Variants in CRMP1 observed in about 807,000 individuals in gnomAD.
The protein encoded by CRMP1 is dihydropyrimidinase-related protein 1.
CRMP1 carries 19 observed loss-of-function variants against 68.3 expected under a neutral mutation model. The observed-to-expected ratio is 0.28, with a 90% CI of 0.19 to 0.41. CRMP1 has a LOEUF of 0.41. Ranked by LOEUF, CRMP1 falls within the 10% of genes least tolerant of loss-of-function variation. CRMP1 has a pLI of 1.00. For synonymous variants in CRMP1, 439 were observed against 399.6 expected, an observed-to-expected ratio of 1.10 and a Z score of -1.18; for missense variants, 791 against 967.4, an observed-to-expected ratio of 0.82 and a Z score of 2.42.
chr4:5,874,727 G>A (rs1714690667), intron 1 of CRMP1, among the ~76,000 whole-genome samples: 1 of 152,128 alleles, frequency 6.6e-6, no homozygotes, highest in South Asian at 2.1e-4. Flanking sequence ...ATAAAAGAAG[G>A]ATAAAGAGGA....
In CRMP1 at chr4:5,825,775, T is replaced by G; in HGVS notation, c.1804-116A>C. The G allele has an allele frequency of 2.1e-6, 2 of 967,868 alleles. No homozygotes were observed. Among genetic ancestry groups the G allele is most frequent in the Non-Finnish European group, 3.1e-6 (2 of 652,588 alleles). 60.0% of individuals were successfully genotyped at this position (967,868 alleles called of 1,614,324 possible). A position where few individuals can be genotyped will look rare whatever the true frequency, so the allele number is the denominator to read the frequency against. Reference sequence around the variant, plus strand: ...AACCTGAGGTCACTTCAAATGTGCATGCACACACACACACAACACGCACAC... The same window carrying G: ...AACCTGAGGTCACTTCAAATGTGCAGGCACACACACACACAACACGCACAC... On this transcript the variant is annotated intron_variant, in intron 12 of 13. Coordinates refer to ENST00000324989, the MANE Select transcript of CRMP1 (RefSeq NM_001014809.3). The surrounding 1 kb of genome is among the most constrained non-coding windows in gnomAD (Gnocchi z 4.4).
chr4:5,887,403 T>A (rs984815281), intron 1 of CRMP1: 2 of 985,444 alleles, frequency 2.0e-6, no homozygotes, highest in Admixed American at 6.1e-5. Context: ...GCTCCAGTGG[T>A]CCGCATCCCT....
Position 5,884,775 on chromosome 4 carries a change from C to A in CRMP1, c.381+7814G>T, listed in dbSNP as rs1431867438. Among the ~76,000 whole-genome samples, 3 of 151,808 alleles carry A rather than the reference C, an allele frequency of 2.0e-5. No homozygotes were observed. The East Asian group carries it at 5.8e-4, about 29-fold the overall frequency. On this transcript the variant is annotated intron_variant, in intron 1 of 13. Coordinates refer to ENST00000324989, the MANE Select transcript of CRMP1 (RefSeq NM_001014809.3). ...CATGAAGCTTCATTTTTAATAATAC[C>A]CCGTCATCATCATGGTGGACACTCT...
rs116072410 is a variant in CRMP1 at position 5,890,933 on chromosome 4, G to A, written c.381+1656C>T. Among the ~76,000 whole-genome samples the A allele has an allele frequency of 2.9e-3, 436 of 152,250 alleles. 3 individuals carry two copies. The highest frequency in any genetic ancestry group is 9.4e-3 in the African/African-American group (391 of 41,560). ...AGACGGCCACCCCCATCTGACAGAT[G>A]GAGAAGCTGAGGCCCAAGAGAGCAA... On this transcript the variant is annotated intron_variant, in intron 1 of 13. Transcript: ENST00000324989. The surrounding 1 kb of genome is among the most constrained non-coding windows in gnomAD (Gnocchi z 5.5).
intron 11 of CRMP1, among the ~76,000 whole-genome samples, chr4:5,832,210 C>T (rs942435630): frequency 2.2e-4 from 34 of 152,208 alleles, no homozygotes; most frequent in Non-Finnish European, 1.2e-4. Context: ...TACAGGGTTT[C>T]TTTTCTGGAG....
In CRMP1 at chr4:5,856,182, C is replaced by G. The variant is rs114376030; in HGVS notation, c.781G>C (p.Gly261Arg). The change falls in exon 4 of 14, where the codon GGC becomes CGC. Residue 261 changes from glycine (G) to arginine (R), a missense_variant. By Grantham distance (125) the Gly-to-Arg change is moderately radical. Around this residue, in one of 3 missense-constraint regions of CRMP1, gnomAD observed 594 missense variants for 763.6 expected, o/e 0.78. Transcript: ENST00000324989. ...LHVDITSWYDGVREELEVLVQ... is the reference protein window; with the variant it reads ...LHVDITSWYDRVREELEVLVQ... ...AGCACCTCCAGCTCCTCCCGAACGC[C>G]ATCGTACCAGCTTGTGATGTCCACG... is the stretch of plus-strand genomic sequence containing the variant. 8,556 of 1,613,994 alleles carry G rather than the reference C, an allele frequency of 5.3e-3. 201 individuals are homozygous for G. In the African/African-American group the frequency reaches 0.067, roughly 13 times the overall value.
rs141328248 is a variant in CRMP1, at chr4:5,867,907, AAC to A, written c.382-1153_382-1152del. On this transcript the variant is annotated intron_variant, in intron 1 of 13. Transcript: ENST00000324989. The stretch of plus-strand genomic sequence containing the variant: ...GTCATTAGAGGAAGGTGGATAGATA[AAC>A]ACACACACACACACACACAGGATTG... Among the ~76,000 whole-genome samples, 25 of 149,838 alleles carry A rather than the reference AAC, an allele frequency of 1.7e-4. No homozygotes were observed. In the South Asian group the frequency reaches 1.9e-3, roughly 11 times the overall value.
rs983666699 is a variant in CRMP1, at chr4:5,865,144, C to T, written c.470+1524G>A. On this transcript the variant is annotated intron_variant, in intron 2 of 13. Transcript: ENST00000324989. The surrounding 1 kb of genome is among the most constrained non-coding windows in gnomAD (Gnocchi z 4.1). ...ATGATCCTGTTAACAGTATCAATCC[C>T]TTTCTGCCTTCCCCTTGCTCCAATT... 6.6e-6 allele frequency among the ~76,000 whole-genome samples: 1 copy of T among 152,118 alleles called. No homozygotes were observed. Among genetic ancestry groups the T allele is most frequent in the African/African-American group, 2.4e-5 (1 of 41,416 alleles).
Position 5,861,986 on chromosome 4 carries a change from G to A in CRMP1, c.471-776C>T, listed in dbSNP as rs1477156165. Among the ~76,000 whole-genome samples, 1 of 152,228 alleles carries A rather than the reference G, an allele frequency of 6.6e-6. No individual in the cohort carries two copies. The highest frequency in any genetic ancestry group is 2.4e-5 in the African/African-American group (1 of 41,470). On this transcript the variant is annotated intron_variant, in intron 2 of 13. Transcript: ENST00000324989. The surrounding 1 kb of genome is among the most constrained non-coding windows in gnomAD (Gnocchi z 6.0). Reference sequence around the variant, plus strand: ...AGTGCAGCTCTAGACAGAATCCACAGCCAGGCAGCCAAGACAGCAGCCTCT... The same window carrying A: ...AGTGCAGCTCTAGACAGAATCCACAACCAGGCAGCCAAGACAGCAGCCTCT...
At chr4:5,836,649 G>A (rs1191050055) in intron 10 of CRMP1, 116 bp downstream of exon 10, 1 of 1,485,088 alleles carries the variant, frequency 6.7e-7, no homozygotes, top group African/African-American at 1.4e-5. Context: ...TAGTATATCT[G>A]CTTCCGCCTC....
In CRMP1 at chr4:5,843,097, T is replaced by G; in HGVS notation, c.1028A>C (p.Glu343Ala). 1 of 1,614,060 alleles carries G rather than the reference T, an allele frequency of 6.2e-7. No individual in the cohort carries two copies. Reference protein sequence around the residue: ...GPEGHALSRPEELEAEAVFRA... With the variant: ...GPEGHALSRPAELEAEAVFRA... ...CCCAAGTTGAGGAGTCCTTACCTCT[T>G]CAGGTCTGCTCAGGGCATGGCCCTC... Residue 343 changes from glutamate (E) to alanine (A), a missense_variant, in exon 7 of 14, where the codon GAA becomes GCA. Transcript: ENST00000324989. The surrounding 1 kb of genome is among the most constrained non-coding windows in gnomAD (Gnocchi z 4.1).
At chr4:5,835,174 G>A (rs887057678) in intron 11 of CRMP1, among the ~76,000 whole-genome samples, 1 of 152,248 alleles carries the variant, frequency 6.6e-6, no homozygotes, top group Non-Finnish European at 1.5e-5. Flanking sequence ...GTGTGCACAT[G>A]CACTACTTCT....
rs895982170 is a variant in CRMP1, at chr4:5,854,990, C to A, written c.820+1153G>T. The stretch of plus-strand genomic sequence containing the variant: ...TAAAACGAATAGAAAGCATAAATGC[C>A]CAATAAAAAGAAAATAGCTAAGCAA... On this transcript the variant is annotated intron_variant, in intron 4 of 13. Coordinates refer to ENST00000324989, the MANE Select transcript of CRMP1 (RefSeq NM_001014809.3). This position sits in a 1 kb window ranked among gnomAD's most constrained non-coding sequence, Gnocchi z 4.0. 2.4e-4 allele frequency among the ~76,000 whole-genome samples: 37 copies of A among 152,036 alleles called. No homozygotes were observed. The highest frequency in any genetic ancestry group is 8.7e-4 in the African/African-American group (36 of 41,464).
At chr4:5,874,645 A>G (rs1359038094) in intron 1 of CRMP1, among the ~76,000 whole-genome samples, 1 of 152,092 alleles carries the variant, frequency 6.6e-6, no homozygotes, top group Non-Finnish European at 1.5e-5. Context: ...AGAGGCAAGG[A>G]GAGACAGAGA....
chr4:5,838,005 T>C lies in CRMP1; in HGVS notation c.1311-1099A>G, dbSNP rs1232548895. Among the ~76,000 whole-genome samples the C allele has an allele frequency of 2.0e-5, 3 of 151,514 alleles. No homozygotes were observed. Among genetic ancestry groups the C allele is most frequent in the Non-Finnish European group, 4.4e-5 (3 of 67,876 alleles). ...ATGGGGCACATGGGCGCTGTTAGAG[T>C]GAGTGTCAGGGATTCAACCAAAGCA... On this transcript the variant is annotated intron_variant, in intron 9 of 13. Transcript: ENST00000324989. The surrounding 1 kb of genome is among the most constrained non-coding windows in gnomAD (Gnocchi z 4.9).
rs1326847087 is a variant in CRMP1, at chr4:5,883,074, C to T, written c.381+9515G>A. Among the ~76,000 whole-genome samples, 1 of 152,138 alleles carries T rather than the reference C, an allele frequency of 6.6e-6. No individual in the cohort carries two copies. Among genetic ancestry groups the T allele is most frequent in the Non-Finnish European group, 1.5e-5 (1 of 68,030 alleles). ...TGTGTGAAATATTCCACCCACCTTG[C>T]ATGCCCTTCCCTTCCCTCAACCAAT... On this transcript the variant is annotated intron_variant, in intron 1 of 13. Coordinates refer to ENST00000324989, the MANE Select transcript of CRMP1 (RefSeq NM_001014809.3). The surrounding 1 kb of genome is among the most constrained non-coding windows in gnomAD (Gnocchi z 4.5).
At chr4:5,884,609 G>A (rs541311003) in intron 1 of CRMP1, among the ~76,000 whole-genome samples, 1 of 152,036 alleles carries the variant, frequency 6.6e-6, no homozygotes, top group Non-Finnish European at 1.5e-5. Flanking sequence ...GAATCTCTCT[G>A]AGCCTCAGTT....
intron 13 of CRMP1, chr4:5,824,369 G>A (rs2152434696): frequency 1.0e-6 from 1 of 985,406 alleles, no homozygotes; most frequent in South Asian, 4.7e-5. Context: ...TATGGAGAGT[G>A]AGATGAATGG....
At position 5,854,614 on chromosome 4, in the gene CRMP1, A is replaced by T. The variant is rs548673032; in HGVS notation, c.820+1529T>A. On this transcript the variant is annotated intron_variant, in intron 4 of 13. Coordinates refer to ENST00000324989, the MANE Select transcript of CRMP1 (RefSeq NM_001014809.3). The surrounding 1 kb of genome is among the most constrained non-coding windows in gnomAD (Gnocchi z 4.0). ...AAATTGAAGAGTGGGCAAATAATAC[A>T]ATCAGCTATTCACATAAGGAAAAAT... Among the ~76,000 whole-genome samples the T allele has an allele frequency of 3.9e-5, 6 of 152,234 alleles. No individual in the cohort carries two copies. Among genetic ancestry groups the T allele is most frequent in the African/African-American group, 1.4e-4 (6 of 41,560 alleles).
Sources: allele counts gnomAD v4.1 joint callset (sites outside exome capture counted in the v4.1 genomes callset), GRCh38; gene constraint gnomAD v4.1.1; regional missense constraint gnomAD v4.1.1; non-coding constraint Gnocchi (gnomAD v3.1); transcripts MANE v1.5; gene names NCBI Gene and HGNC (gene_info 2026-07-23, HGNC 2026-07-21).